CAMK4: variants seen among roughly 807,000 people sequenced by gnomAD.
CAMK4 encodes the protein calcium/calmodulin-dependent protein kinase type IV.
In CAMK4, 22 loss-of-function variants were observed where a neutral mutation model predicts 44.9. That is an observed-to-expected ratio of 0.49 (90% confidence interval 0.35 to 0.70). The LOEUF is 0.70. Among genes scored for constraint, CAMK4 ranks in the 30% least tolerant of loss-of-function variants. The probability of loss-of-function intolerance (pLI) is 0.01; values close to 1 mark genes in which losing one functional copy is unlikely to be tolerated. For missense variants in CAMK4, 498 were observed against 586.8 expected, an observed-to-expected ratio of 0.85 and a Z score of 1.56; for synonymous variants, 218 against 215.4, an observed-to-expected ratio of 1.01 and a Z score of -0.11.
intron 5 of CAMK4, among the ~76,000 whole-genome samples, chr5:111,413,576 C>CAAA (rs34333932): frequency 7.5e-6 from 1 of 133,326 alleles, no homozygotes. Context: ...CACTCCATCT[C>CAAA]AAAAAAAAAA....
intron 4 of CAMK4, among the ~76,000 whole-genome samples, chr5:111,381,801 T>C (rs1751426328): frequency 1.3e-5 from 2 of 152,196 alleles, no homozygotes. Context: ...CCACCATTGC[T>C]GAGAGCAAAA....
chr5:111,370,721 C>T (rs1354475694), intron 2 of CAMK4, among the ~76,000 whole-genome samples: 2 of 152,062 alleles, frequency 1.3e-5, no homozygotes, highest in Non-Finnish European at 2.9e-5. Flanking sequence ...CAGAGACCAT[C>T]CTGGCCAACA....
intron 4 of CAMK4, among the ~76,000 whole-genome samples, chr5:111,392,882 A>G (rs940695145): frequency 3.3e-5 from 5 of 152,174 alleles, no homozygotes; most frequent in Admixed American, 6.6e-5. Flanking sequence ...AATAACCACC[A>G]AAGACTTCAA....
intron 1 of CAMK4, among the ~76,000 whole-genome samples, chr5:111,323,488 T>C (rs1463301361): frequency 6.6e-6 from 1 of 151,992 alleles, no homozygotes; most frequent in Non-Finnish European, 1.5e-5. Context: ...AGTGAGTTTA[T>C]TGGGACCCTG....
intron 8 of CAMK4, among the ~76,000 whole-genome samples, chr5:111,475,334 G>C (rs974497762): frequency 2.6e-5 from 4 of 152,110 alleles, no homozygotes; most frequent in African/African-American, 9.7e-5. Flanking sequence ...AATGTACTGG[G>C]AGGCATTAAG....
intron 1 of CAMK4, among the ~76,000 whole-genome samples, chr5:111,241,265 T>G (rs995747024): frequency 6.6e-6 from 1 of 152,146 alleles, no homozygotes. Context: ...CTTGCTCAGT[T>G]TCTTAGTCTT....
chr5:111,447,624 T>G (rs896257183), intron 6 of CAMK4, among the ~76,000 whole-genome samples: 1 of 152,228 alleles, frequency 6.6e-6, no homozygotes, highest in Non-Finnish European at 1.5e-5. Flanking sequence ...TATTGTAAAC[T>G]TTATTTTCGA....
intron 2 of CAMK4, among the ~76,000 whole-genome samples, chr5:111,351,835 C>T (rs183121560): frequency 3.6e-3 from 546 of 152,178 alleles, no homozygotes; most frequent in Non-Finnish European, 5.5e-3. Context: ...TTGAATAACA[C>T]GAACTTGGTG....
chr5:111,367,444 G>A (rs1208343922), intron 2 of CAMK4, among the ~76,000 whole-genome samples: 5 of 151,972 alleles, frequency 3.3e-5, no homozygotes, highest in African/African-American at 1.2e-4. Context: ...TTTGGAGGAT[G>A]CATTCAAATC....
rs369274936 is a variant in CAMK4 at position 111,317,758 on chromosome 5, C to T, written c.162-26266C>T. Among the ~76,000 whole-genome samples the T allele has an allele frequency of 1.6e-4, 24 of 152,092 alleles. 1 individual carries two copies. The South Asian group carries it at 4.8e-3, about 30-fold the overall frequency. ...ACAGATTCCTCTGCTCAAAAGGGCTCTGCACTTGGTTTAATGCTCTGCCAT... is the reference window on the plus strand; with the variant it reads ...ACAGATTCCTCTGCTCAAAAGGGCTTTGCACTTGGTTTAATGCTCTGCCAT... On this transcript the variant is annotated intron_variant, in intron 1 of 10. Transcript: ENST00000282356.
intron 1 of CAMK4, among the ~76,000 whole-genome samples, chr5:111,255,749 A>G (rs537916897): frequency 6.6e-6 from 1 of 152,276 alleles, no homozygotes; most frequent in East Asian, 1.9e-4. Flanking sequence ...TTATGGATTC[A>G]TTGTATCATC....
intron 7 of CAMK4, among the ~76,000 whole-genome samples, chr5:111,467,264 A>G (rs1189862845): frequency 6.6e-6 from 1 of 151,624 alleles, no homozygotes. Flanking sequence ...ACCATCCTGT[A>G]AATTAGCTTA....
intron 5 of CAMK4, among the ~76,000 whole-genome samples, chr5:111,429,933 A>T (rs890268016): frequency 1.4e-5 from 2 of 141,910 alleles, no homozygotes; most frequent in African/African-American, 5.1e-5. Flanking sequence ...AAAAAAAAAA[A>T]TAGAAGAGGA....
chr5:111,348,529 T>A (rs1411008555), intron 2 of CAMK4, among the ~76,000 whole-genome samples: 1 of 152,016 alleles, frequency 6.6e-6, no homozygotes, highest in South Asian at 2.1e-4. Context: ...GGGTATAACA[T>A]CATGTATTTA....
intron 3 of CAMK4, among the ~76,000 whole-genome samples, chr5:111,375,406 C>T (rs991157726): frequency 1.3e-5 from 2 of 152,044 alleles, no homozygotes; most frequent in Admixed American, 6.6e-5. Context: ...CAGGCTTTGT[C>T]CAGACAGCCT....
chr5:111,421,817 G>A (rs939541699), intron 5 of CAMK4, among the ~76,000 whole-genome samples: 2 of 152,112 alleles, frequency 1.3e-5, no homozygotes, highest in South Asian at 2.1e-4. Flanking sequence ...GTCATGGGAG[G>A]GACCCTGTTG....
At chr5:111,464,646 G>A (rs1754760523) in intron 7 of CAMK4, among the ~76,000 whole-genome samples, 1 of 152,078 alleles carries the variant, frequency 6.6e-6, no homozygotes, top group South Asian at 2.1e-4. Context: ...AAGGATTACC[G>A]TTACATTAAA....
intron 2 of CAMK4, among the ~76,000 whole-genome samples, chr5:111,348,369 G>A (rs1310254103): frequency 6.6e-6 from 1 of 151,986 alleles, no homozygotes; most frequent in Non-Finnish European, 1.5e-5. Flanking sequence ...TGGTGGTCAG[G>A]TGCAGGACAG....
chr5:111,233,819 A>T (rs998735236), intron 1 of CAMK4, among the ~76,000 whole-genome samples: 18 of 152,178 alleles, frequency 1.2e-4, no homozygotes, highest in African/African-American at 3.6e-4. Flanking sequence ...AAAACTTAAA[A>T]TTACTCCTTT....
Sources: gnomAD v4.1 joint callset for allele counts (sites outside exome capture counted in the v4.1 genomes callset) on GRCh38, gnomAD v4.1.1 for gene constraint, MANE v1.5 for transcripts, NCBI Gene and HGNC (gene_info 2026-07-23, HGNC 2026-07-21) for gene names.